Variants in ARHGEF17 observed in about 807,000 individuals in gnomAD.
The protein encoded by ARHGEF17 is 164 kDa Rho-specific guanine-nucleotide exchange factor.
In ARHGEF17, 80 loss-of-function variants were observed where a neutral mutation model predicts 174.0. The observed-to-expected ratio is 0.46, with a 90% CI of 0.38 to 0.55. ARHGEF17 has a LOEUF of 0.55. Ranked by LOEUF, ARHGEF17 falls within the 20% of genes least tolerant of loss-of-function variation. The probability of loss-of-function intolerance (pLI) is 0.00; values close to 1 mark genes in which losing one functional copy is unlikely to be tolerated. For synonymous variants in ARHGEF17, 1,311 were observed against 1,189.1 expected (o/e 1.10, Z -2.11); for missense variants, 2,886 against 2,839.7 (o/e 1.02, Z -0.37).
chr11:73,319,104 G>T lies in ARHGEF17; in HGVS notation c.3192+7274G>T, dbSNP rs1311060047. Among the ~76,000 whole-genome samples the T allele has an allele frequency of 5.9e-5, 8 of 135,582 alleles. No homozygotes were observed. The East Asian group carries it at 1.1e-3, about 19-fold the overall frequency. The allele number at this position is 135,582 out of a possible 152,430, so 88.9% of individuals were successfully genotyped here. A position where few individuals can be genotyped will look rare whatever the true frequency, so the allele number is the denominator to read the frequency against. ...TTTTGAGACAGAGTCTTGCTTTGTT[G>T]CCAGGCTGGAGTACAGTGGCACGAT... is the stretch of plus-strand genomic sequence containing the variant. On this transcript the variant is annotated intron_variant, in intron 1 of 20. Transcript: ENST00000263674.
At chr11:73,350,576 GTGT>G (rs1465937226) in intron 2 of ARHGEF17, among the ~76,000 whole-genome samples, 9 of 152,328 alleles carry the variant, frequency 5.9e-5, no homozygotes, top group South Asian at 2.1e-4. Context: ...TAATTGATAA[GTGT>G]TGTTCCTGCA....
At chr11:73,325,081 T>G (rs1303297876) in intron 1 of ARHGEF17, among the ~76,000 whole-genome samples, 1 of 152,080 alleles carries the variant, frequency 6.6e-6, no homozygotes, top group Non-Finnish European at 1.5e-5. Context: ...GGCCAGGCAG[T>G]GCAGTGCAGT....
intron 9 of ARHGEF17, 122 bp from the exon 10 acceptor site, chr11:73,359,712 T>G: frequency 2.5e-6 from 2 of 790,006 alleles, no homozygotes; most frequent in Non-Finnish European, 3.8e-6. Context: ...GTTTCTATGC[T>G]TTCGGTTTGT....
rs1865808779 is a variant in ARHGEF17 at position 73,364,781 on chromosome 11, G to A, written c.5550+181G>A. ...TTCGATCCTCATTTCTTCTGTAGCT[G>A]ATGAGGAATACAGTAAGTGTCCCAT... On this transcript the variant is annotated intron_variant, in intron 18 of 20. Coordinates refer to ENST00000263674, the MANE Select transcript of ARHGEF17 (RefSeq NM_014786.4). The A allele has an allele frequency of 5.6e-6, 4 of 719,586 alleles. No individual in the cohort carries two copies. In the South Asian group the frequency reaches 6.7e-5, roughly 12 times the overall value. 44.6% of individuals were successfully genotyped at this position (719,586 alleles called of 1,614,324 possible).
intron 18 of ARHGEF17, 33 bp downstream of exon 18, chr11:73,364,633 A>G (rs760681326): frequency 1.3e-5 from 21 of 1,591,778 alleles, no homozygotes; most frequent in South Asian, 1.2e-4. Flanking sequence ...AATTGGTGCC[A>G]TGGGATGAGC....
chr11:73,347,278 T>A (rs1422726790), intron 2 of ARHGEF17: 3 of 454,686 alleles, frequency 6.6e-6, no homozygotes, highest in Non-Finnish European at 1.2e-5. Context: ...CCGCCTCCAT[T>A]GTATTCACTG....
rs779994433 is a variant in ARHGEF17 at position 73,362,536 on chromosome 11, G to C, written c.4798G>C (p.Ala1600Pro). 20 of 1,606,672 alleles carry C rather than the reference G, an allele frequency of 1.2e-5. No individual in the cohort carries two copies. The South Asian group carries it at 2.2e-4, about 18-fold the overall frequency. The change falls in exon 14 of 21, where the codon GCG (alanine) becomes CCG (proline). Residue 1600 changes from alanine to proline, a missense_variant. Ala to Pro is a conservative substitution (Grantham distance 27). Coordinates refer to ENST00000263674, the MANE Select transcript of ARHGEF17 (RefSeq NM_014786.4). ...AAADEEAATLAEPGPQPCLHI... is the reference protein window; with the variant it reads ...AAADEEAATLPEPGPQPCLHI... ...TGCAGACGAGGAAGCCGCGACGCTC[G>C]CGGAGCCGGGGCCGCAGCCCTGCCT...
At chr11:73,337,675 C>T (rs1025211467) in intron 1 of ARHGEF17, among the ~76,000 whole-genome samples, 1 of 152,156 alleles carries the variant, frequency 6.6e-6, no homozygotes, top group Non-Finnish European at 1.5e-5. Flanking sequence ...CTGCCTCAGC[C>T]TCCCAAAGTG....
intron 1 of ARHGEF17, among the ~76,000 whole-genome samples, chr11:73,316,976 C>T (rs1176411296): frequency 6.6e-6 from 1 of 152,178 alleles, no homozygotes; most frequent in African/African-American, 2.4e-5. Context: ...GCCCCAGGGG[C>T]TCCTCAAGGG....
intron 13 of ARHGEF17, 22 bp downstream of exon 13, chr11:73,362,261 G>C: frequency 1.3e-6 from 2 of 1,491,812 alleles, no homozygotes; most frequent in Non-Finnish European, 1.8e-6. Flanking sequence ...GCGGCGGGGT[G>C]GGCGGCACCG....
intron 17 of ARHGEF17, 67 bp downstream of exon 17, chr11:73,364,306 G>C: frequency 6.2e-7 from 1 of 1,606,766 alleles, no homozygotes; most frequent in Non-Finnish European, 8.5e-7. Context: ...CTCTCCTGGA[G>C]ATGTGGCTTT....
intron 1 of ARHGEF17, among the ~76,000 whole-genome samples, chr11:73,342,572 C>G (rs1865387022): frequency 6.6e-6 from 1 of 152,110 alleles, no homozygotes; most frequent in Non-Finnish European, 1.5e-5. Flanking sequence ...CTTGTGCATA[C>G]GGGTCCAGGC....
chr11:73,313,545 C>T (rs1864877382), intron 1 of ARHGEF17, among the ~76,000 whole-genome samples: 1 of 152,202 alleles, frequency 6.6e-6, no homozygotes, highest in Non-Finnish European at 1.5e-5. Context: ...CCTCCCTTCA[C>T]ATTCTCCTCT....
intron 1 of ARHGEF17, among the ~76,000 whole-genome samples, chr11:73,332,938 C>G (rs1203247559): frequency 6.6e-6 from 1 of 152,196 alleles, no homozygotes; most frequent in Non-Finnish European, 1.5e-5. Flanking sequence ...TTGCTCTCTT[C>G]CTGTCCTCAG....
chr11:73,362,382 G>A, intron 13 of ARHGEF17, 51 bp from the exon 14 acceptor site: 1 of 1,476,480 alleles, frequency 6.8e-7, no homozygotes, highest in African/African-American at 1.4e-5. Context: ...TCCACCACCG[G>A]GGCCCCGTCT....
In ARHGEF17 at chr11:73,368,189, T is replaced by C. The variant is rs1865874753; in HGVS notation, c.*409T>C. The C allele has an allele frequency of 6.1e-6, 1 of 163,618 alleles. No individual in the cohort carries two copies. Among genetic ancestry groups the C allele is most frequent in the African/African-American group, 2.4e-5 (1 of 41,914 alleles). 10.1% of individuals were successfully genotyped at this position (163,618 alleles called of 1,614,324 possible). On this transcript the variant is annotated 3_prime_UTR_variant, in exon 21 of 21. Coordinates refer to ENST00000263674, the MANE Select transcript of ARHGEF17 (RefSeq NM_014786.4). ...CAGTATTTATGTTTCTTTTTAGATGTGTACCTTCCCAAGCACTTATTTATG... is the reference window on the plus strand; with the variant it reads ...CAGTATTTATGTTTCTTTTTAGATGCGTACCTTCCCAAGCACTTATTTATG...
chr11:73,318,386 C>T (rs1011637369), intron 1 of ARHGEF17, among the ~76,000 whole-genome samples: 7 of 152,158 alleles, frequency 4.6e-5, no homozygotes, highest in Admixed American at 4.6e-4. Flanking sequence ...CCTGTAATCC[C>T]AGCACTTTGG....
At chr11:73,356,462 G>C in intron 6 of ARHGEF17, 111 bp downstream of exon 6, 1 of 1,357,058 alleles carries the variant, frequency 7.4e-7, no homozygotes, top group Non-Finnish European at 1.0e-6. Flanking sequence ...TCCATGTCCG[G>C]AACCACAGTG....
intron 14 of ARHGEF17, among the ~76,000 whole-genome samples, chr11:73,362,984 G>T (rs950973001): frequency 3.3e-5 from 5 of 152,360 alleles, no homozygotes; most frequent in African/African-American, 1.2e-4. Context: ...GGGACCCACG[G>T]TGTGGCCACT....
Sources: allele counts gnomAD v4.1 joint callset (sites outside exome capture counted in the v4.1 genomes callset), GRCh38; gene constraint gnomAD v4.1.1; transcripts MANE v1.5; gene names NCBI Gene and HGNC (gene_info 2026-07-23, HGNC 2026-07-21).